ALK: variants seen among roughly 807,000 people sequenced by gnomAD.
The protein encoded by ALK is ALK receptor tyrosine kinase.
Under a neutral mutation model 163.1 loss-of-function variants are expected in ALK, and 74 were observed. The observed-to-expected ratio is 0.45, with a 90% confidence interval of 0.38 to 0.55. The LOEUF is 0.55. Among genes scored for constraint, ALK ranks in the 20% least tolerant of loss-of-function variants. ALK has a pLI of 0.00. For missense variants in ALK, 2,063 were observed against 2,105.3 expected, an observed-to-expected ratio of 0.98 and a Z score of 0.39; for synonymous variants, 960 against 843.2, an observed-to-expected ratio of 1.14 and a Z score of -2.40.
chr2:29,700,531 A>G (rs1353670702), intron 2 of ALK, among the ~76,000 whole-genome samples: 1 of 152,150 alleles, frequency 6.6e-6, no homozygotes, highest in Admixed American at 6.5e-5. Flanking sequence ...GCAACAAGAG[A>G]GAAACTCCAT....
intron 11 of ALK, among the ~76,000 whole-genome samples, chr2:29,272,185 G>GGAGGGAGAGAGAGAGAGAGAGAGAGA (rs1553402255): frequency 4.7e-4 from 68 of 145,148 alleles, no homozygotes; most frequent in Non-Finnish European, 8.2e-4. Context: ...GTCGGGTGAG[G>GGAGGGAGAGAGAGAGAGAGAGAGAGA]GAGAGAGAGA....
At chr2:29,765,690 T>C (rs1332048730) in intron 1 of ALK, among the ~76,000 whole-genome samples, 3 of 152,062 alleles carry the variant, frequency 2.0e-5, no homozygotes, top group Non-Finnish European at 2.9e-5. Context: ...ACTTGGAAAA[T>C]ACAAATGAGC....
At chr2:29,450,141 C>G (rs763726092) in intron 4 of ALK, among the ~76,000 whole-genome samples, 2 of 152,150 alleles carry the variant, frequency 1.3e-5, no homozygotes, top group Non-Finnish European at 2.9e-5. Flanking sequence ...ATCACCAAAC[C>G]TTCCTTCACC....
intron 5 of ALK, among the ~76,000 whole-genome samples, chr2:29,366,023 C>G (rs148533317): frequency 6.6e-6 from 1 of 152,068 alleles, no homozygotes; most frequent in African/African-American, 2.4e-5. Flanking sequence ...CTGCACACTA[C>G]TTTGGGTTGG....
At chr2:29,752,229 T>C (rs1680384887) in intron 1 of ALK, among the ~76,000 whole-genome samples, 1 of 152,222 alleles carries the variant, frequency 6.6e-6, no homozygotes, top group Non-Finnish European at 1.5e-5. Flanking sequence ...TTAGATGAGT[T>C]TGCCCAACTA....
chr2:29,311,287 T>C (rs1198031693), intron 8 of ALK, among the ~76,000 whole-genome samples: 1 of 152,156 alleles, frequency 6.6e-6, no homozygotes, highest in Non-Finnish European at 1.5e-5. Flanking sequence ...ACCTAGGGGA[T>C]GGAGTGAGAT....
intron 1 of ALK, among the ~76,000 whole-genome samples, chr2:29,905,773 G>A (rs1380326640): frequency 1.3e-5 from 2 of 152,170 alleles, no homozygotes; most frequent in African/African-American, 4.8e-5. Context: ...GGTCCAAGGG[G>A]GCTGGAGCAT....
chr2:29,794,316 G>T (rs936519963), intron 1 of ALK, among the ~76,000 whole-genome samples: 3 of 152,114 alleles, frequency 2.0e-5, no homozygotes, highest in African/African-American at 7.2e-5. Flanking sequence ...TTTGACTTAA[G>T]GAAATATTGT....
In ALK at chr2:29,920,666, G is replaced by A. The variant is rs1477932078; in HGVS notation, c.-7C>T. On this transcript the variant is annotated 5_prime_UTR_variant, in exon 1 of 29. Transcript: ENST00000389048. ...GGAGCCCGATGGCTCCCATCCCGCCGGAGGAGGCCGTTTACACTGCTCTCC... is the reference window on the plus strand; with the variant it reads ...GGAGCCCGATGGCTCCCATCCCGCCAGAGGAGGCCGTTTACACTGCTCTCC... 2 of 1,534,452 alleles carry A rather than the reference G, an allele frequency of 1.3e-6. No homozygotes were observed. Among genetic ancestry groups the A allele is most frequent in the Non-Finnish European group, 1.7e-6 (2 of 1,147,260 alleles).
chr2:29,389,047 G>A (rs192502171), intron 4 of ALK, among the ~76,000 whole-genome samples: 1 of 152,314 alleles, frequency 6.6e-6, no homozygotes, highest in Admixed American at 6.5e-5. Flanking sequence ...GATGCTTGGT[G>A]TCTAGTTCTT....
chr2:29,565,918 G>A lies in ALK; in HGVS notation c.953-33802C>T, dbSNP rs570962700. Among the ~76,000 whole-genome samples, 3 of 152,330 alleles carry A rather than the reference G, an allele frequency of 2.0e-5. No homozygotes were observed. The East Asian group carries it at 5.8e-4, about 29-fold the overall frequency. ...GAGAAAAGAAAGAGAAACCCTATGG[G>A]CAGGTGAGGGGACTGCTATTAGCAC... On this transcript the variant is annotated intron_variant, in intron 3 of 28. Coordinates refer to ENST00000389048, the MANE Select transcript of ALK (RefSeq NM_004304.5).
At chr2:29,812,797 C>A (rs984509452) in intron 1 of ALK, among the ~76,000 whole-genome samples, 1 of 152,210 alleles carries the variant, frequency 6.6e-6, no homozygotes, top group African/African-American at 2.4e-5. Flanking sequence ...CTGGGCTTCA[C>A]GTAGTCATGC....
At chr2:29,447,558 A>G (rs1397373587) in intron 4 of ALK, among the ~76,000 whole-genome samples, 1 of 152,248 alleles carries the variant, frequency 6.6e-6, no homozygotes, top group East Asian at 1.9e-4. Context: ...CTGAGCACGC[A>G]TAAAAGATAA....
At chr2:29,556,879 A>C (rs544450921) in intron 3 of ALK, among the ~76,000 whole-genome samples, 2 of 152,284 alleles carry the variant, frequency 1.3e-5, no homozygotes, top group East Asian at 3.9e-4. Flanking sequence ...AGCTGTAAAT[A>C]TTTCTCCTCC....
chr2:29,737,723 A>G (rs551828669), intron 1 of ALK, among the ~76,000 whole-genome samples: 2 of 152,156 alleles, frequency 1.3e-5, no homozygotes, highest in Admixed American at 6.5e-5. Context: ...AAAAGAGTCT[A>G]TTGGGAAGCG....
intron 4 of ALK, among the ~76,000 whole-genome samples, chr2:29,510,125 A>G (rs963298930): frequency 3.3e-5 from 5 of 152,148 alleles, no homozygotes. Flanking sequence ...GAAATCCTAG[A>G]AGAAGTAAAA....
chr2:29,285,113 C>T (rs1445450366), intron 9 of ALK, among the ~76,000 whole-genome samples: 1 of 152,210 alleles, frequency 6.6e-6, no homozygotes, highest in East Asian at 1.9e-4. Flanking sequence ...AGGTTCTTCT[C>T]CTCCAGGTTC....
chr2:29,910,002 G>A (rs1242828638), intron 1 of ALK, among the ~76,000 whole-genome samples: 1 of 145,774 alleles, frequency 6.9e-6, no homozygotes, highest in Non-Finnish European at 1.5e-5. Flanking sequence ...AAAAACAACT[G>A]CAAGGTATGC....
chr2:29,559,584 C>T (rs940254032), intron 3 of ALK, among the ~76,000 whole-genome samples: 2 of 152,182 alleles, frequency 1.3e-5, no homozygotes, highest in African/African-American at 2.4e-5. Flanking sequence ...TTATCACCTT[C>T]AATCCCATGA....
Sources: allele counts gnomAD v4.1 joint callset (sites outside exome capture counted in the v4.1 genomes callset), GRCh38; gene constraint gnomAD v4.1.1; transcripts MANE v1.5; gene names NCBI Gene and HGNC (gene_info 2026-07-23, HGNC 2026-07-21).